The following MYH6 variants were observed in gnomAD, a reference collection of about 807,000 sequenced individuals.
The protein encoded by MYH6 is myosin heavy chain 6, also known as myosin-6.
A neutral mutation model predicts 223.2 loss-of-function variants in MYH6; 126 were observed. The ratio of observed to expected loss-of-function variants is 0.56; its 90% confidence interval spans 0.49 to 0.65. The LOEUF is 0.65. Ranked by LOEUF, MYH6 falls within the 30% of genes least tolerant of loss-of-function variation. The probability of loss-of-function intolerance (pLI) is 0.00; values close to 1 mark genes in which losing one functional copy is unlikely to be tolerated. For synonymous variants in MYH6, 978 were observed against 1,010.2 expected (o/e 0.97, Z 0.61); for missense variants, 2,040 against 2,536.4 (o/e 0.80, Z 4.20).
In MYH6 at chr14:23,386,071, C is replaced by T. The variant is rs534560839; in HGVS notation, c.5020G>A (p.Ala1674Thr). Residue 1674 changes from alanine (A) to threonine (T), a missense_variant, in exon 34 of 39, where the codon GCC (alanine) becomes ACC (threonine). By Grantham distance (58) the Ala-to-Thr change is moderately conservative (BLOSUM62 0). This residue lies in a region of MYH6 where 1,203 missense variants were observed against 1,400.2 expected (regional missense o/e 0.86). Coordinates refer to ENST00000405093, the MANE Select transcript of MYH6 (RefSeq NM_002471.4). The stretch of plus-strand genomic sequence containing the variant: ...AGGTTGTTGCGCCGCTCCACGATGG[C>T]GATGTTCTCCTTCAGGTCGTCGTTG... Reference protein sequence around the residue: ...RANDDLKENIAIVERRNNLLQ... With the variant: ...RANDDLKENITIVERRNNLLQ... 95 of 1,614,200 alleles carry T rather than the reference C, an allele frequency of 5.9e-5. No homozygotes were observed. The South Asian group carries it at 8.1e-4, about 14-fold the overall frequency.
intron 14 of MYH6, chr14:23,399,741 G>A (rs1891540314): frequency 5.3e-6 from 1 of 189,252 alleles, no homozygotes; most frequent in Non-Finnish European, 1.1e-5. Flanking sequence ...GCCGTGGCTG[G>A]GCTGGGTGTG....
chr14:23,404,568 G>A (rs1391640982), intron 7 of MYH6, 143 bp downstream of exon 7: 1 of 1,062,428 alleles, frequency 9.4e-7, no homozygotes, highest in Non-Finnish European at 1.4e-6. Context: ...CTGTCAGGAA[G>A]GTCTTCCATA....
At position 23,390,087 on chromosome 14, in the gene MYH6, G is replaced by C; in HGVS notation, c.3702C>G (p.Thr1234=). 6.2e-7 allele frequency: 1 copy of C among 1,613,136 alleles called. No homozygotes were observed. The highest frequency in any genetic ancestry group is 8.5e-7 in the Non-Finnish European group (1 of 1,179,798). The change falls in exon 26 of 39, where the codon ACC becomes ACG. Residue 1234 remains threonine (T), a synonymous_variant. Coordinates refer to ENST00000405093, the MANE Select transcript of MYH6 (RefSeq NM_002471.4). ...CCTTGATGATCTGCTCCATGTTGGA[G>C]GTGACGTCATCCAGCTCCAGCTTGA... ...SEFKLELDDV[T]SNMEQIIKAK...
Position 23,398,739 on chromosome 14 carries a change from G to T in MYH6, c.1880C>A (p.Thr627Asn), listed in dbSNP as rs1356322780. The change falls in exon 15 of 39, where the codon ACT becomes AAT. Residue 627 changes from threonine (T) to asparagine (N), a missense_variant. By Grantham distance (65) the Thr-to-Asn change is moderately conservative (BLOSUM62 0). Coordinates refer to ENST00000405093, the MANE Select transcript of MYH6 (RefSeq NM_002471.4). ...GGCTGCCTGCTTACCAGTATCGGCA[G>T]TTGCGTAGGAGGAGAAGAGAGTGGC... ...LMATLFSSYA[T>N]ADTGDSGKSK... 2.5e-6 allele frequency: 4 copies of T among 1,614,204 alleles called. No individual in the cohort carries two copies.
chr14:23,391,932 G>A (rs1891246891), intron 25 of MYH6, among the ~76,000 whole-genome samples: 1 of 152,088 alleles, frequency 6.6e-6, no homozygotes, highest in Non-Finnish European at 1.5e-5. Context: ...CTCTAAATTG[G>A]GCTATATTAA....
chr14:23,397,970 C>T (rs548084038), intron 15 of MYH6, among the ~76,000 whole-genome samples: 71 of 132,382 alleles, frequency 5.4e-4, no homozygotes, highest in South Asian at 1.1e-3. Context: ...TCTTCTTCTT[C>T]TTCTTCTTCT....
At chr14:23,388,677 G>A in intron 29 of MYH6, 182 bp downstream of exon 29, 1 of 1,055,764 alleles carries the variant, frequency 9.5e-7, no homozygotes, top group Non-Finnish European at 1.5e-6. Context: ...CAGGAAGTGG[G>A]TCAGGGCCAG....
Position 23,403,787 on chromosome 14 carries a change from G to T in MYH6, c.736-9C>A, listed in dbSNP as rs748594445. 1.2e-6 allele frequency: 2 copies of T among 1,606,914 alleles called. No individual in the cohort carries two copies. Among genetic ancestry groups the T allele is most frequent in the Non-Finnish European group, 1.7e-6 (2 of 1,176,174 alleles). ...ATCCTAATGAATTTCCCCTGGGGAC[G>T]AATGGGACAGAGTGAGGGAACTGGC... On this transcript the variant is annotated splice_polypyrimidine_tract_variant and intron_variant, in intron 8 of 38. Coordinates refer to ENST00000405093, the MANE Select transcript of MYH6 (RefSeq NM_002471.4).
chr14:23,402,793 C>A lies in MYH6; in HGVS notation c.906G>T (p.Leu302=), dbSNP rs1891647830. 6.2e-7 allele frequency: 1 copy of A among 1,611,108 alleles called. No individual in the cohort carries two copies. Among genetic ancestry groups the A allele is most frequent in the African/African-American group, 1.4e-5 (1 of 73,994 alleles). The change falls in exon 11 of 39, where the codon CTG becomes CTT. Residue 302 remains leucine, a synonymous_variant. Coordinates refer to ENST00000405093, the MANE Select transcript of MYH6 (RefSeq NM_002471.4). ...SNKKPELLDM[L]LVTNNPYDYA... ...AGTCGTAGGGATTGTTGGTGACCAG[C>A]AGCATGTCTGCACCAGGCAAGGGGT...
In MYH6 at chr14:23,383,339, G is replaced by GGGGGGGGGGGGGGGGCCCCCCC; in HGVS notation, c.5566-20_5566-19insGGGGGGGCCCCCCCCCCCCCCC. 9.2e-6 allele frequency: 1 copy of GGGGGGGGGGGGGGGGCCCCCCC among 108,188 alleles called. No individual in the cohort carries two copies. Among genetic ancestry groups the GGGGGGGGGGGGGGGGCCCCCCC allele is most frequent in the Non-Finnish European group, 1.8e-5 (1 of 54,376 alleles). 6.7% of individuals were successfully genotyped at this position (108,188 alleles called of 1,614,324 possible). A position where few individuals can be genotyped will look rare whatever the true frequency, so the allele number is the denominator to read the frequency against. ...CCTCTGTCTGGGGGTGGGAGGGTGG[G>GGGGGGGGGGGGGGGGCCCCCCC]AGAAGCTGGTTTGGAGGGGGAGCAA... On this transcript the variant is annotated intron_variant, in intron 36 of 38. Coordinates refer to ENST00000405093, the MANE Select transcript of MYH6 (RefSeq NM_002471.4).
intron 14 of MYH6, 66 bp downstream of exon 14, chr14:23,400,190 G>A: frequency 6.2e-7 from 1 of 1,611,732 alleles, no homozygotes; most frequent in African/African-American, 1.3e-5. Flanking sequence ...GGTGTAGAAG[G>A]GACTCAGCCA....
At chr14:23,397,926 CTCCTCCTCTTCTTCTTCT>C (rs1891448399) in intron 15 of MYH6, among the ~76,000 whole-genome samples, 5 of 126,716 alleles carry the variant, frequency 3.9e-5, no homozygotes, top group African/African-American at 1.7e-4. Flanking sequence ...CCTCCTCCTC[CTCCTCCTCTTCTTCTTCT>C]TCTTCTTCTT....
rs747334207 is a variant in MYH6 at position 23,399,026 on chromosome 14, G to A, written c.1593C>T (p.Ile531=). The A allele has an allele frequency of 1.9e-6, 3 of 1,614,024 alleles. No homozygotes were observed. Among genetic ancestry groups the A allele is most frequent in the African/African-American group, 2.7e-5 (2 of 74,902 alleles). Residue 531 remains isoleucine, a synonymous_variant, in exon 15 of 39, where the codon ATC becomes ATT. Coordinates refer to ENST00000405093, the MANE Select transcript of MYH6 (RefSeq NM_002471.4). ...CIDLIEKPMG[I]MSILEEECMF... is the part of the protein sequence containing the mutation. ...TGCACTCCTCCTCCAGGATGGACAT[G>A]ATGCCCATGGGCTGAGGGCAGGGTG...
rs1566515400 is a variant in MYH6, at chr14:23,403,390, T to C, written c.856A>G (p.Ile286Val). The C allele has an allele frequency of 4.3e-6, 7 of 1,613,982 alleles. No individual in the cohort carries two copies. The highest frequency in any genetic ancestry group is 4.5e-5 in the East Asian group (2 of 44,832). Residue 286 changes from isoleucine (I) to valine (V), a missense_variant, in exon 10 of 39, where the codon ATC becomes GTC. Ile to Val is a conservative substitution (Grantham distance 29). This residue lies in a region of MYH6 where 649 missense variants were observed against 877.3 expected (regional missense o/e 0.74). Transcript: ENST00000405093. ...FQLKAERNYHIFYQILSNKKP... is the reference protein window; with the variant it reads ...FQLKAERNYHVFYQILSNKKP... ...TTGTTGGACAGAATCTGGTAGAAGA[T>C]GTGGTAGTTTCTCTCAGCTTTCAGC... is the stretch of plus-strand genomic sequence containing the variant.
intron 36 of MYH6, 122 bp from the exon 37 acceptor site, chr14:23,383,442 T>G (rs35182223): frequency 0.25 from 194,403 of 771,034 alleles, 25,911 homozygotes; most frequent in South Asian, 0.36. Flanking sequence ...ATGATCCAGG[T>G]CAAAGAGGTG....
chr14:23,385,190 T>C (rs956875252), intron 34 of MYH6, 149 bp from the exon 35 acceptor site: 1 of 942,418 alleles, frequency 1.1e-6, no homozygotes, highest in African/African-American at 1.6e-5. Context: ...GTACCTGCTT[T>C]CCCTTTTCCT....
rs767904399 is a variant in MYH6 at position 23,407,235 on chromosome 14, C to T, written c.-12G>A. On this transcript the variant is annotated splice_region_variant and 5_prime_UTR_variant, in exon 3 of 39. Coordinates refer to ENST00000405093, the MANE Select transcript of MYH6 (RefSeq NM_002471.4). The surrounding 1 kb of genome is among the most constrained non-coding windows in gnomAD (Gnocchi z 5.6). ...TGGGCATCGGTCATCTTGGTGCTTCCCCTGGGTCAGAGACAGGAGGGCTAT... is the reference window on the plus strand; with the variant it reads ...TGGGCATCGGTCATCTTGGTGCTTCTCCTGGGTCAGAGACAGGAGGGCTAT... The T allele has an allele frequency of 8.7e-6, 14 of 1,614,166 alleles. No homozygotes were observed. Among genetic ancestry groups the T allele is most frequent in the Non-Finnish European group, 1.1e-5 (13 of 1,180,034 alleles).
Position 23,382,121 on chromosome 14 carries a change from G to T in MYH6, c.5797-58C>A, listed in dbSNP as rs550151979. 18 of 1,509,630 alleles carry T rather than the reference G, an allele frequency of 1.2e-5. No homozygotes were observed. In the African/African-American group the frequency reaches 2.3e-4, roughly 20 times the overall value. 93.5% of individuals were successfully genotyped at this position (1,509,630 alleles called of 1,614,324 possible). A position where few individuals can be genotyped will look rare whatever the true frequency, so the allele number is the denominator to read the frequency against. On this transcript the variant is annotated intron_variant, in intron 38 of 38. Transcript: ENST00000405093. The stretch of plus-strand genomic sequence containing the variant: ...CTGGCAAGAGGGAGAAGTGTGTGGG[G>T]ACAAATCCCTGGGGCTTTCAGAGGC...
chr14:23,392,983 G>T lies in MYH6; in HGVS notation c.3180C>A (p.Asp1060Glu), dbSNP rs771747878. 1.2e-6 allele frequency: 2 copies of T among 1,614,030 alleles called. No individual in the cohort carries two copies. The highest frequency in any genetic ancestry group is 1.7e-6 in the Non-Finnish European group (2 of 1,180,040). Residue 1060 changes from aspartate to glutamate, a missense_variant, in exon 24 of 39, where the codon GAC becomes GAA. Asp to Glu is a conservative substitution (Grantham distance 45). Transcript: ENST00000405093. ...LERAKRKLEGDLKLTQESIMD... is the reference protein window; with the variant it reads ...LERAKRKLEGELKLTQESIMD... ...TGATGCTCTCCTGGGTCAGCTTCAG[G>T]TCGCCCTCCAGTTTCCGCTTTGCTC...
Sources: gnomAD v4.1 joint callset for allele counts (sites outside exome capture counted in the v4.1 genomes callset) on GRCh38, gnomAD v4.1.1 for gene constraint, gnomAD v4.1.1 regional missense constraint, Gnocchi (gnomAD v3.1) non-coding constraint, MANE v1.5 for transcripts, NCBI Gene and HGNC (gene_info 2026-07-23, HGNC 2026-07-21) for gene names.